Variants in KDM1A observed in about 807,000 individuals in gnomAD.
KDM1A encodes lysine demethylase 1A.
Under a neutral mutation model 109.4 loss-of-function variants are expected in KDM1A, and 49 were observed. The observed-to-expected ratio is 0.45, with a 90% CI of 0.36 to 0.57. The LOEUF is 0.57. Among genes scored for constraint, KDM1A ranks in the 20% least tolerant of loss-of-function variants. The probability of loss-of-function intolerance (pLI) is 0.00; values close to 1 mark genes in which losing one functional copy is unlikely to be tolerated. For synonymous variants in KDM1A, 380 were observed against 415.4 expected, an observed-to-expected ratio of 0.91 and a Z score of 1.04; for missense variants, 668 against 1,116.6, an observed-to-expected ratio of 0.60 and a Z score of 5.73.
chr1:23,033,822 C>T (rs1372508921), intron 2 of KDM1A, among the ~76,000 whole-genome samples: 5 of 152,092 alleles, frequency 3.3e-5, no homozygotes, highest in African/African-American at 9.7e-5. Context: ...GGAGTGTCAG[C>T]GGTAGCCCTG....
At chr1:23,059,209 C>A in intron 9 of KDM1A, 42 bp downstream of exon 9, 1 of 1,450,650 alleles carries the variant, frequency 6.9e-7, no homozygotes, top group Non-Finnish European at 9.7e-7. Flanking sequence ...TTCTTTGGTT[C>A]ACTTGAAAAC....
chr1:23,045,029 A>G (rs1183256149), intron 3 of KDM1A, among the ~76,000 whole-genome samples: 2 of 152,224 alleles, frequency 1.3e-5, no homozygotes, highest in African/African-American at 4.8e-5. Flanking sequence ...TCATGTGAAA[A>G]ATGTCTTTTG....
At chr1:23,073,618 C>T (rs1477899993) in intron 15 of KDM1A, among the ~76,000 whole-genome samples, 1 of 152,192 alleles carries the variant, frequency 6.6e-6, no homozygotes, top group Non-Finnish European at 1.5e-5. Context: ...GCCCATCATC[C>T]TGAAATGTTT....
chr1:23,024,846 A>G (rs577302614), intron 1 of KDM1A, among the ~76,000 whole-genome samples: 1 of 152,354 alleles, frequency 6.6e-6, no homozygotes, highest in East Asian at 1.9e-4. Context: ...TATAAACAAA[A>G]TGCTTATTGC....
intron 18 of KDM1A, among the ~76,000 whole-genome samples, chr1:23,080,154 A>G (rs980389545): frequency 3.9e-5 from 6 of 152,340 alleles, no homozygotes; most frequent in East Asian, 1.9e-4. Flanking sequence ...GGCTGTAAAA[A>G]TAAGACATTG....
At chr1:23,068,956 C>A in intron 11 of KDM1A, 105 bp from the exon 12 acceptor site, 2 of 731,486 alleles carry the variant, frequency 2.7e-6, no homozygotes, top group East Asian at 2.7e-5. Flanking sequence ...TCCTAAGTAT[C>A]AGAAGTTTCA....
chr1:23,066,501 G>C (rs1323683624), intron 10 of KDM1A, among the ~76,000 whole-genome samples: 1 of 152,136 alleles, frequency 6.6e-6, no homozygotes, highest in Non-Finnish European at 1.5e-5. Flanking sequence ...AAAGATTAAA[G>C]CTTGTCTGAA....
At chr1:23,077,096 T>G in intron 15 of KDM1A, 132 bp from the exon 16 acceptor site, 1 of 778,162 alleles carries the variant, frequency 1.3e-6, no homozygotes. Context: ...ACTGAGTGAT[T>G]TGTTCTTTAG....
chr1:23,081,150 A>C (rs1569830461), intron 18 of KDM1A: 1 of 282,514 alleles, frequency 3.5e-6, no homozygotes, highest in Admixed American at 4.8e-5. Flanking sequence ...ATTCCCTTTT[A>C]TTAGCAAGAT....
intron 1 of KDM1A, among the ~76,000 whole-genome samples, chr1:23,021,415 A>G (rs934224268): frequency 1.3e-5 from 2 of 152,216 alleles, no homozygotes; most frequent in Non-Finnish European, 2.9e-5. Context: ...TAATCCCTGC[A>G]CTTTGGGAGG....
At position 23,019,478 on chromosome 1, in the gene KDM1A, T is replaced by C; in HGVS notation, c.-119T>C. On this transcript the variant is annotated 5_prime_UTR_variant, in exon 1 of 21. Coordinates refer to ENST00000400181, the MANE Select transcript of KDM1A (RefSeq NM_001009999.3). Reference sequence around the variant, plus strand: ...GGCGGGAGCGCGCTTGGCGCGTGCGTACGCGACGGCGGTTGGCGGCGCGCG... The same window carrying C: ...GGCGGGAGCGCGCTTGGCGCGTGCGCACGCGACGGCGGTTGGCGGCGCGCG... 2 of 1,264,912 alleles carry C rather than the reference T, an allele frequency of 1.6e-6. No individual in the cohort carries two copies. Among genetic ancestry groups the C allele is most frequent in the Non-Finnish European group, 2.0e-6 (2 of 1,003,156 alleles). The allele number at this position is 1,264,912 out of a possible 1,614,324, so 78.4% of individuals were successfully genotyped here. A position where few individuals can be genotyped will look rare whatever the true frequency, so the allele number is the denominator to read the frequency against.
intron 3 of KDM1A, among the ~76,000 whole-genome samples, chr1:23,045,150 C>A (rs780862927): frequency 2.0e-5 from 3 of 152,088 alleles, no homozygotes; most frequent in Middle Eastern, 3.2e-3. Context: ...AAAATTTATC[C>A]CAGCAATCCA....
rs201256608 is a variant in KDM1A, at chr1:23,030,599, A to T, written c.482A>T (p.Glu161Val). ...LPPPPPQAPP[E>V]EENESEPEEP... Reference sequence around the variant, plus strand: ...CCACCACCCCCTCAAGCCCCACCTGAGGAAGAAAATGAAAGTGAGCCTGAA... The same window carrying T: ...CCACCACCCCCTCAAGCCCCACCTGTGGAAGAAAATGAAAGTGAGCCTGAA... Residue 161 changes from glutamate (E) to valine (V), a missense_variant, in exon 2 of 21, where the codon GAG becomes GTG. By Grantham distance (121) the Glu-to-Val change is moderately radical (BLOSUM62 -2). This residue lies in a region of KDM1A where 149 missense variants were observed against 189.7 expected (regional missense o/e 0.79). Transcript: ENST00000400181. 1 of 1,588,906 alleles carries T rather than the reference A, an allele frequency of 6.3e-7. No homozygotes were observed. Among genetic ancestry groups the T allele is most frequent in the East Asian group, 2.2e-5 (1 of 44,560 alleles).
chr1:23,019,690 G>T lies in KDM1A; in HGVS notation c.94G>T (p.Glu32Ter). 2.2e-6 allele frequency: 3 copies of T among 1,359,826 alleles called. No individual in the cohort carries two copies. The highest frequency in any genetic ancestry group is 2.8e-6 in the Non-Finnish European group (3 of 1,063,598). The allele number at this position is 1,359,826 out of a possible 1,614,324, so 84.2% of individuals were successfully genotyped here. A position where few individuals can be genotyped will look rare whatever the true frequency, so the allele number is the denominator to read the frequency against. Reference protein sequence around the residue: ...EAGPGTAGGSENGSEVAAQPA... With the variant: ...EAGPGTAGGS ...TGGCCCTGGGACAGCAGGCGGCTCC[G>T]AGAACGGGTCTGAGGTGGCCGCGCA... Residue 32 changes from glutamate (E) to a stop codon, truncating the protein, a stop_gained, in exon 1 of 21, where the codon GAG (glutamate) becomes TAG (stop). Transcript: ENST00000400181. LOFTEE classifies it high-confidence loss of function.
intron 1 of KDM1A, among the ~76,000 whole-genome samples, chr1:23,025,395 A>G (rs1235856056): frequency 6.9e-6 from 1 of 145,504 alleles, no homozygotes; most frequent in East Asian, 2.0e-4. Flanking sequence ...CAATGGTGTG[A>G]TCTTGGCTCA....
chr1:23,058,590 C>G (rs1027143551), intron 8 of KDM1A, among the ~76,000 whole-genome samples: 3 of 152,164 alleles, frequency 2.0e-5, no homozygotes, highest in Non-Finnish European at 4.4e-5. Context: ...TCAAGAGATT[C>G]TTCTGCCTTA....
At chr1:23,042,945 C>CT in intron 2 of KDM1A, among the ~76,000 whole-genome samples, 1 of 151,714 alleles carries the variant, frequency 6.6e-6, no homozygotes, top group South Asian at 2.1e-4. Flanking sequence ...AATAAGGTTT[C>CT]ACCAAGTTGG....
chr1:23,056,565 A>G (rs950307921), intron 7 of KDM1A, among the ~76,000 whole-genome samples: 2 of 152,128 alleles, frequency 1.3e-5, no homozygotes, highest in Admixed American at 1.3e-4. Context: ...TTTCATGAAT[A>G]ATTTTTGAAA....
In KDM1A at chr1:23,055,889, T is replaced by C. The variant is rs775920554; in HGVS notation, c.884-43T>C. ...GAAATAAGACTGTAAGTACAAACTT[T>C]TATACCTAAAACAAAATCTTTTTTT... On this transcript the variant is annotated intron_variant, in intron 6 of 20. Transcript: ENST00000400181. 6.4e-6 allele frequency: 9 copies of C among 1,397,870 alleles called. No individual in the cohort carries two copies. In the South Asian group the frequency reaches 1.1e-4, roughly 17 times the overall value. The allele number at this position is 1,397,870 out of a possible 1,614,324, so 86.6% of individuals were successfully genotyped here.
Sources: gnomAD v4.1 joint callset for allele counts (sites outside exome capture counted in the v4.1 genomes callset) on GRCh38, gnomAD v4.1.1 for gene constraint, gnomAD v4.1.1 regional missense constraint, MANE v1.5 for transcripts, NCBI Gene and HGNC (gene_info 2026-07-23, HGNC 2026-07-21) for gene names.